Variants in PDP1 observed in about 807,000 individuals in gnomAD.
The protein encoded by PDP1 is pyruvate dehydrogenase phosphatase catalytic subunit 1.
Under a neutral mutation model 37.1 loss-of-function variants are expected in PDP1, and 14 were observed. That is an observed-to-expected ratio of 0.38 (90% confidence interval 0.25 to 0.59). PDP1 has a LOEUF of 0.59. PDP1 is among the 20% of genes least tolerant of loss of function. PDP1 has a pLI of 0.67. For missense variants in PDP1, 544 were observed against 655.3 expected, an observed-to-expected ratio of 0.83 and a Z score of 1.85; for synonymous variants, 251 against 243.3, an observed-to-expected ratio of 1.03 and a Z score of -0.29.
chr8:93,925,255 G>T lies in PDP1; in HGVS notation c.*1582G>T. The T allele has an allele frequency of 6.0e-6, 1 of 166,704 alleles. No homozygotes were observed. The allele number at this position is 166,704 out of a possible 1,614,324, so 10.3% of individuals were successfully genotyped here. ...TTTGTTTCAATTGAAAATAGACTCA[G>T]GAAGATTGCTGCTCAGAATATCATA... On this transcript the variant is annotated 3_prime_UTR_variant, in exon 2 of 2. Transcript: ENST00000297598.
Position 93,922,598 on chromosome 8 carries a change from T to C in PDP1, c.539T>C (p.Val180Ala). 2 of 1,614,108 alleles carry C rather than the reference T, an allele frequency of 1.2e-6. No homozygotes were observed. Among genetic ancestry groups the C allele is most frequent in the African/African-American group, 1.3e-5 (1 of 75,028 alleles). The change falls in exon 2 of 2, where the codon GTG becomes GCG. Residue 180 changes from valine (V) to alanine (A), a missense_variant. This residue lies in a region of PDP1 where 342 missense variants were observed against 414.0 expected (regional missense o/e 0.83). Transcript: ENST00000297598. The surrounding 1 kb of genome is among the most constrained non-coding windows in gnomAD (Gnocchi z 4.0). ...HETLLEIENA[V>A]ESGRALLPIL... ...ACTTTGCTAGAGATTGAAAATGCAG[T>C]GGAGAGCGGCCGGGCACTGCTACCC...
chr8:93,922,796 A>T lies in PDP1; in HGVS notation c.737A>T (p.Asp246Val), dbSNP rs1385010412. Residue 246 changes from aspartate to valine, a missense_variant, in exon 2 of 2, where the codon GAC becomes GTC. Transcript: ENST00000297598. This position sits in a 1 kb window ranked among gnomAD's most constrained non-coding sequence, Gnocchi z 4.0. ...LINAFKRLDN[D>V]ISLEAQVGDP... ...AATGCCTTCAAGAGGCTTGATAATG[A>T]CATCTCCTTGGAGGCGCAAGTTGGT... 6.2e-7 allele frequency: 1 copy of T among 1,614,188 alleles called. No homozygotes were observed. Among genetic ancestry groups the T allele is most frequent in the South Asian group, 1.1e-5 (1 of 91,082 alleles).
At position 93,923,561 on chromosome 8, in the gene PDP1, C is replaced by G. The variant is rs750375166; in HGVS notation, c.1502C>G (p.Ser501Cys). 5.6e-6 allele frequency: 9 copies of G among 1,613,172 alleles called. No individual in the cohort carries two copies. The highest frequency in any genetic ancestry group is 6.8e-6 in the Non-Finnish European group (8 of 1,179,252). ...EFGTVDHERL[S>C]KMLSLPEELA... ...GGGACTGTTGATCATGAGCGCCTCT[C>G]TAAAATGCTTAGTCTTCCTGAAGAG... The change falls in exon 2 of 2, where the codon TCT becomes TGT. Residue 501 changes from serine (S) to cysteine (C), a missense_variant. Transcript: ENST00000297598. This position sits in a 1 kb window ranked among gnomAD's most constrained non-coding sequence, Gnocchi z 4.3.
chr8:93,920,639 G>C, intron 1 of PDP1: 2 of 954,546 alleles, frequency 2.1e-6, no homozygotes, highest in Non-Finnish European at 2.5e-6. Flanking sequence ...TTTTTTTTAA[G>C]TTTGTAATTA....
chr8:93,922,825 C>G lies in PDP1; in HGVS notation c.766C>G (p.Pro256Ala). The G allele has an allele frequency of 6.2e-7, 1 of 1,614,170 alleles. No homozygotes were observed. Among genetic ancestry groups the G allele is most frequent in the East Asian group, 2.2e-5 (1 of 44,884 alleles). Residue 256 changes from proline (P) to alanine (A), a missense_variant, in exon 2 of 2, where the codon CCT becomes GCT. Around this residue, in one of 5 missense-constraint regions of PDP1, gnomAD observed 342 missense variants for 414.0 expected, o/e 0.83. Transcript: ENST00000297598. This position sits in a 1 kb window ranked among gnomAD's most constrained non-coding sequence, Gnocchi z 4.0. ...DISLEAQVGD[P>A]NSFLNYLVLR... is the part of the protein sequence containing the mutation. ...CTCCTTGGAGGCGCAAGTTGGTGAT[C>G]CTAATTCTTTTCTCAACTACCTGGT...
At chr8:93,917,786 C>G in intron 1 of PDP1, 2 of 1,568,752 alleles carry the variant, frequency 1.3e-6, no homozygotes, top group East Asian at 2.4e-5. Flanking sequence ...CTCCTCCGCT[C>G]CCGCCTCCCC....
rs1486252140 is a variant in PDP1 at position 93,925,210 on chromosome 8, G to T, written c.*1537G>T. On this transcript the variant is annotated 3_prime_UTR_variant, in exon 2 of 2. Transcript: ENST00000297598. ...CTTCTGGACTGTGGATACTGAATCA[G>T]TGTACTATTGGCTGCAGAATTTGTT... is the stretch of plus-strand genomic sequence containing the variant. The T allele has an allele frequency of 6.0e-6, 1 of 166,986 alleles. No homozygotes were observed. Among genetic ancestry groups the T allele is most frequent in the Non-Finnish European group, 1.5e-5 (1 of 68,094 alleles). The allele number at this position is 166,986 out of a possible 1,614,324, so 10.3% of individuals were successfully genotyped here.
At chr8:93,920,059 A>T (rs1400126891) in intron 1 of PDP1, 1 of 152,228 alleles carries the variant, frequency 6.6e-6, no homozygotes, top group Non-Finnish European at 1.5e-5. Context: ...TCTTATTTCC[A>T]AAATTTTAGC....
chr8:93,921,692 A>T (rs947607959), intron 1 of PDP1: 5 of 215,832 alleles, frequency 2.3e-5, no homozygotes. Context: ...TATAACCTTC[A>T]TCTCCTCAGC....
At chr8:93,917,574 C>A (rs1331950852) in intron 1 of PDP1, among the ~76,000 whole-genome samples, 1 of 152,118 alleles carries the variant, frequency 6.6e-6, no homozygotes, top group African/African-American at 2.4e-5. Flanking sequence ...GGGCTTCGCG[C>A]CCCGGCTGGA....
chr8:93,922,269 A>T lies in PDP1; in HGVS notation c.210A>T (p.Arg70Ser). ...ENWWQYTQGRRYASTPQKFYL... is the reference protein window; with the variant it reads ...ENWWQYTQGRSYASTPQKFYL... ...GGTGGCAGTACACCCAAGGAAGGAG[A>T]TATGCTTCCACACCACAGAAATTTT... The change falls in exon 2 of 2, where the codon AGA becomes AGT. Residue 70 changes from arginine to serine, a missense_variant. Coordinates refer to ENST00000297598, the MANE Select transcript of PDP1 (RefSeq NM_018444.4). The surrounding 1 kb of genome is among the most constrained non-coding windows in gnomAD (Gnocchi z 4.0). 6.2e-7 allele frequency: 1 copy of T among 1,614,210 alleles called. No individual in the cohort carries two copies. The highest frequency in any genetic ancestry group is 8.5e-7 in the Non-Finnish European group (1 of 1,180,036).
At chr8:93,918,006 GT>G in intron 1 of PDP1, 1 of 1,585,922 alleles carries the variant, frequency 6.3e-7, no homozygotes, top group Non-Finnish European at 8.6e-7. Context: ...AGATTTTTGT[GT>G]ATGGATGGTT....
rs1194600876 is a variant in PDP1 at position 93,922,230 on chromosome 8, G to A, written c.171G>A (p.Arg57=). 5 of 1,614,158 alleles carry A rather than the reference G, an allele frequency of 3.1e-6. No homozygotes were observed. In the Admixed American group the frequency reaches 6.7e-5, roughly 22 times the overall value. The change falls in exon 2 of 2, where the codon AGG becomes AGA. Residue 57 remains arginine, a synonymous_variant. Coordinates refer to ENST00000297598, the MANE Select transcript of PDP1 (RefSeq NM_018444.4). The surrounding 1 kb of genome is among the most constrained non-coding windows in gnomAD (Gnocchi z 4.0). ...TPHPAYATFC[R]PKENWWQYTQ... is the part of the protein sequence containing the mutation. Reference sequence around the variant, plus strand: ...ATCCAGCATATGCTACCTTTTGCAGGCCAAAGGAGAACTGGTGGCAGTACA... The same window carrying A: ...ATCCAGCATATGCTACCTTTTGCAGACCAAAGGAGAACTGGTGGCAGTACA...
chr8:93,917,028 G>A lies in PDP1; in HGVS notation c.-96G>A, dbSNP rs1366795418. 6.3e-6 allele frequency: 3 copies of A among 477,686 alleles called. No individual in the cohort carries two copies. The Admixed American group carries it at 6.5e-5, about 10-fold the overall frequency. The allele number at this position is 477,686 out of a possible 1,614,324, so 29.6% of individuals were successfully genotyped here. ...GGAAAGAGCGCCGAGCGGTGGCGTC[G>A]TTGTCGCCCCCTCCTCGTCGGGAAG... On this transcript the variant is annotated 5_prime_UTR_variant, in exon 1 of 2. Coordinates refer to ENST00000297598, the MANE Select transcript of PDP1 (RefSeq NM_018444.4).
rs1810081623 is a variant in PDP1, at chr8:93,917,027, C to A, written c.-97C>A. 4.2e-6 allele frequency: 2 copies of A among 477,544 alleles called. No homozygotes were observed. The highest frequency in any genetic ancestry group is 3.0e-5 in the South Asian group (2 of 66,806). 29.6% of individuals were successfully genotyped at this position (477,544 alleles called of 1,614,324 possible). ...TGGAAAGAGCGCCGAGCGGTGGCGT[C>A]GTTGTCGCCCCCTCCTCGTCGGGAA... On this transcript the variant is annotated 5_prime_UTR_variant, in exon 1 of 2. Coordinates refer to ENST00000297598, the MANE Select transcript of PDP1 (RefSeq NM_018444.4).
At chr8:93,921,983 C>G (rs755957450) in intron 1 of PDP1, 33 bp from the exon 2 acceptor site, 12 of 1,417,142 alleles carry the variant, frequency 8.5e-6, no homozygotes, top group Non-Finnish European at 1.2e-5. Flanking sequence ...GTAACTCTTT[C>G]CTTTGTGTAC....
rs768615485 is a variant in PDP1, at chr8:93,922,906, G to T, written c.847G>T (p.Asp283Tyr). Residue 283 changes from aspartate (D) to tyrosine (Y), a missense_variant, in exon 2 of 2, where the codon GAC (aspartate) becomes TAC (tyrosine). Transcript: ENST00000297598. The surrounding 1 kb of genome is among the most constrained non-coding windows in gnomAD (Gnocchi z 4.0). Reference sequence around the variant, plus strand: ...TTGTGTGGCCCATGTGGATGGTGTTGACCTTCATGTGGCCAATACTGGCGA... The same window carrying T: ...TTGTGTGGCCCATGTGGATGGTGTTTACCTTCATGTGGCCAATACTGGCGA... ...TACVAHVDGV[D>Y]LHVANTGDSR... 1 of 1,614,206 alleles carries T rather than the reference G, an allele frequency of 6.2e-7. No individual in the cohort carries two copies. The highest frequency in any genetic ancestry group is 8.5e-7 in the Non-Finnish European group (1 of 1,180,038).
chr8:93,920,501 A>T, intron 1 of PDP1: 7 of 933,678 alleles, frequency 7.5e-6, no homozygotes, highest in Non-Finnish European at 8.9e-6. Flanking sequence ...TTCAGGGAAA[A>T]TATATGTTAT....
At chr8:93,917,837 A>G (rs952812380) in intron 1 of PDP1, 7 of 1,612,508 alleles carry the variant, frequency 4.3e-6, no homozygotes, top group East Asian at 2.2e-5. Flanking sequence ...CTTGCTTTCA[A>G]TGGGCCGGTG....
Sources: gnomAD v4.1 joint callset for allele counts (sites outside exome capture counted in the v4.1 genomes callset) on GRCh38, gnomAD v4.1.1 for gene constraint, gnomAD v4.1.1 regional missense constraint, Gnocchi (gnomAD v3.1) non-coding constraint, MANE v1.5 for transcripts, NCBI Gene and HGNC (gene_info 2026-07-23, HGNC 2026-07-21) for gene names.